The following SEMA5A variants were observed in gnomAD, a reference collection of about 807,000 sequenced individuals.
SEMA5A encodes the protein semaphorin-5A.
SEMA5A carries 55 observed loss-of-function variants against 135.5 expected under a neutral mutation model. That is an observed-to-expected ratio of 0.41 (90% CI 0.33 to 0.51). SEMA5A has a LOEUF of 0.51. SEMA5A is among the 20% of genes least tolerant of loss of function. SEMA5A has a pLI of 0.37. For synonymous variants in SEMA5A, 580 were observed against 546.5 expected (o/e 1.06, Z -0.85); for missense variants, 1,290 against 1,419.9 (o/e 0.91, Z 1.47).
intron 1 of SEMA5A, among the ~76,000 whole-genome samples, chr5:9,457,840 A>C (rs1254603737): frequency 6.6e-6 from 1 of 151,208 alleles, no homozygotes; most frequent in Non-Finnish European, 1.5e-5. Context: ...TCACAGGATA[A>C]GATTTTGATA....
chr5:9,349,202 A>G (rs1233132260), intron 3 of SEMA5A, among the ~76,000 whole-genome samples: 1 of 152,252 alleles, frequency 6.6e-6, no homozygotes, highest in Non-Finnish European at 1.5e-5. Flanking sequence ...TTCTATCTAC[A>G]CATCGGAACT....
At chr5:9,494,983 T>G (rs1342832206) in intron 1 of SEMA5A, among the ~76,000 whole-genome samples, 2 of 152,194 alleles carry the variant, frequency 1.3e-5, no homozygotes, top group Non-Finnish European at 2.9e-5. Context: ...CCATATATAT[T>G]AAAATATTTA....
intron 5 of SEMA5A, among the ~76,000 whole-genome samples, chr5:9,303,385 G>A (rs118022990): frequency 0.028 from 4,288 of 152,102 alleles, 150 homozygotes; most frequent in East Asian, 0.16. Flanking sequence ...CAAAGTGCTG[G>A]GAACTTGAAT....
intron 16 of SEMA5A, among the ~76,000 whole-genome samples, chr5:9,093,118 C>T (rs1739125654): frequency 6.6e-6 from 1 of 151,936 alleles, no homozygotes; most frequent in South Asian, 2.1e-4. Flanking sequence ...GGAGTACTTA[C>T]TAAGGTAAAT....
At chr5:9,504,706 G>A (rs1475492502) in intron 1 of SEMA5A, among the ~76,000 whole-genome samples, 2 of 152,230 alleles carry the variant, frequency 1.3e-5, no homozygotes, top group Non-Finnish European at 2.9e-5. Flanking sequence ...CAGGTGCAAG[G>A]GAGGAATCAG....
At position 9,072,510 on chromosome 5, in the gene SEMA5A, T is replaced by G. The variant is rs539023904; in HGVS notation, c.2074-5864A>C. 9.2e-5 allele frequency among the ~76,000 whole-genome samples: 14 copies of G among 152,202 alleles called. No individual in the cohort carries two copies. The East Asian group carries it at 2.7e-3, about 29-fold the overall frequency. On this transcript the variant is annotated intron_variant, in intron 16 of 22. Coordinates refer to ENST00000382496, the MANE Select transcript of SEMA5A (RefSeq NM_003966.3). ...GAAACTACACAGGAATAGGGAAAGA[T>G]CTGCCTGAAATGATCAGAGGGAACA...
intron 2 of SEMA5A, among the ~76,000 whole-genome samples, chr5:9,396,449 C>G (rs1288379282): frequency 1.3e-5 from 2 of 151,988 alleles, no homozygotes; most frequent in Non-Finnish European, 2.9e-5. Flanking sequence ...ACTGGCCCTC[C>G]TAGGGCTAGC....
chr5:9,355,044 T>C (rs1754379500), intron 3 of SEMA5A, among the ~76,000 whole-genome samples: 1 of 152,182 alleles, frequency 6.6e-6, no homozygotes, highest in Non-Finnish European at 1.5e-5. Flanking sequence ...TTTTATTCTA[T>C]GGGAGAGGTT....
chr5:9,069,452 G>A (rs77826659), intron 16 of SEMA5A, among the ~76,000 whole-genome samples: 3,580 of 152,136 alleles, frequency 0.024, 154 homozygotes, highest in African/African-American at 0.082. Flanking sequence ...CTCTAACACT[G>A]TATTAGTATG....
chr5:9,124,726 G>A (rs1741012146), intron 13 of SEMA5A, among the ~76,000 whole-genome samples: 1 of 152,164 alleles, frequency 6.6e-6, no homozygotes, highest in Admixed American at 6.5e-5. Context: ...AAAGTGCTGG[G>A]ATTACAGGCA....
chr5:9,495,103 T>A (rs1367802706), intron 1 of SEMA5A, among the ~76,000 whole-genome samples: 3 of 152,238 alleles, frequency 2.0e-5, no homozygotes, highest in Non-Finnish European at 4.4e-5. Flanking sequence ...TTAAATTCTA[T>A]TTTTCTTTCC....
chr5:9,048,869 T>C (rs1320953148), intron 21 of SEMA5A, among the ~76,000 whole-genome samples: 1 of 152,240 alleles, frequency 6.6e-6, no homozygotes, highest in African/African-American at 2.4e-5. Context: ...ATTCATCTTG[T>C]AGTTGGATCC....
At chr5:9,054,914 T>C (rs1475906194) in intron 18 of SEMA5A, among the ~76,000 whole-genome samples, 1 of 152,218 alleles carries the variant, frequency 6.6e-6, no homozygotes. Flanking sequence ...TGCAGCCATA[T>C]GTCAGATTAG....
intron 3 of SEMA5A, among the ~76,000 whole-genome samples, chr5:9,358,434 C>T (rs559177462): frequency 6.6e-6 from 1 of 152,292 alleles, no homozygotes; most frequent in African/African-American, 2.4e-5. Flanking sequence ...TGCCACAGAA[C>T]CTCTCTGTGC....
intron 11 of SEMA5A, among the ~76,000 whole-genome samples, chr5:9,169,847 C>T (rs1037665265): frequency 1.3e-5 from 2 of 152,162 alleles, no homozygotes; most frequent in East Asian, 1.9e-4. Flanking sequence ...GACACAAATA[C>T]TCATTAGTTC....
chr5:9,493,038 G>A (rs920921141), intron 1 of SEMA5A, among the ~76,000 whole-genome samples: 3 of 152,140 alleles, frequency 2.0e-5, no homozygotes, highest in Admixed American at 6.6e-5. Flanking sequence ...ATGTGCCAAT[G>A]TAGGTTGATC....
chr5:9,498,022 T>A (rs1735390185), intron 1 of SEMA5A, among the ~76,000 whole-genome samples: 1 of 152,228 alleles, frequency 6.6e-6, no homozygotes, highest in Admixed American at 6.5e-5. Context: ...ATCCTGTATG[T>A]AAGTGGGTAT....
At chr5:9,205,604 C>T (rs1401531034) in intron 8 of SEMA5A, among the ~76,000 whole-genome samples, 1 of 152,140 alleles carries the variant, frequency 6.6e-6, no homozygotes, top group Admixed American at 6.5e-5. Flanking sequence ...CCAAACCACC[C>T]TGAACCAATG....
At chr5:9,081,815 T>G (rs1433842892) in intron 16 of SEMA5A, among the ~76,000 whole-genome samples, 1 of 152,226 alleles carries the variant, frequency 6.6e-6, no homozygotes, top group East Asian at 1.9e-4. Context: ...TGAAGTTCAG[T>G]CCACTATTTT....
Sources: allele counts gnomAD v4.1 joint callset (sites outside exome capture counted in the v4.1 genomes callset), GRCh38; gene constraint gnomAD v4.1.1; transcripts MANE v1.5; gene names NCBI Gene and HGNC (gene_info 2026-07-23, HGNC 2026-07-21).